Variants in IGSF21 observed in about 807,000 individuals in gnomAD.
IGSF21 encodes immunoglobin superfamily member 21.
Under a neutral mutation model 46.8 loss-of-function variants are expected in IGSF21, and 28 were observed. That is an observed-to-expected ratio of 0.60 (90% confidence interval 0.44 to 0.82). The LOEUF is 0.82. IGSF21 is among the 40% of genes least tolerant of loss of function. The probability of loss-of-function intolerance (pLI) is 0.00; values close to 1 mark genes in which losing one functional copy is unlikely to be tolerated. For missense variants in IGSF21, 624 were observed against 665.5 expected, an observed-to-expected ratio of 0.94 and a Z score of 0.69; for synonymous variants, 284 against 273.6, an observed-to-expected ratio of 1.04 and a Z score of -0.38.
intron 5 of IGSF21, among the ~76,000 whole-genome samples, chr1:18,364,146 T>C (rs1411136318): frequency 2.6e-5 from 4 of 152,044 alleles, no homozygotes; most frequent in East Asian, 1.9e-4. Context: ...TATTCAGATA[T>C]AGACATGCAA....
At chr1:18,216,154 T>A (rs775093162) in intron 1 of IGSF21, among the ~76,000 whole-genome samples, 1 of 152,064 alleles carries the variant, frequency 6.6e-6, no homozygotes, top group Non-Finnish European at 1.5e-5. Context: ...GGGGTGACCA[T>A]CACATTGAAC....
At chr1:18,188,135 G>A (rs548145481) in intron 1 of IGSF21, among the ~76,000 whole-genome samples, 17 of 152,166 alleles carry the variant, frequency 1.1e-4, no homozygotes, top group Non-Finnish European at 2.4e-4. Context: ...TGGTAGCAAA[G>A]TTGTGGCTTG....
At chr1:18,344,869 G>T (rs1233606018) in intron 4 of IGSF21, among the ~76,000 whole-genome samples, 1 of 152,148 alleles carries the variant, frequency 6.6e-6, no homozygotes, top group Non-Finnish European at 1.5e-5. Context: ...ACATTAACTG[G>T]CTCCAGGCGA....
chr1:18,118,023 C>G (rs2124404529), intron 1 of IGSF21, among the ~76,000 whole-genome samples: 1 of 152,326 alleles, frequency 6.6e-6, no homozygotes, highest in East Asian at 1.9e-4. Flanking sequence ...TCTGGGTCCC[C>G]TGAAATTGGG....
intron 3 of IGSF21, among the ~76,000 whole-genome samples, chr1:18,317,286 C>T (rs1022297783): frequency 6.6e-6 from 1 of 152,212 alleles, no homozygotes; most frequent in African/African-American, 2.4e-5. Context: ...ACTACCACCT[C>T]ACTCCTCACC....
chr1:18,131,852 A>C (rs2124417089), intron 1 of IGSF21, among the ~76,000 whole-genome samples: 1 of 152,310 alleles, frequency 6.6e-6, no homozygotes, highest in South Asian at 2.1e-4. Context: ...TGGTTCATAT[A>C]CAAAGGTCAC....
chr1:18,185,788 A>G (rs371363907), intron 1 of IGSF21, among the ~76,000 whole-genome samples: 1 of 152,188 alleles, frequency 6.6e-6, no homozygotes, highest in Admixed American at 6.5e-5. Context: ...ATAAATCAAA[A>G]TGTTGAAAGT....
chr1:18,362,768 G>T (rs1361002473), intron 5 of IGSF21, among the ~76,000 whole-genome samples: 1 of 152,132 alleles, frequency 6.6e-6, no homozygotes, highest in Admixed American at 6.5e-5. Flanking sequence ...ATTCCTTTTT[G>T]ACCAACTTAT....
intron 3 of IGSF21, among the ~76,000 whole-genome samples, chr1:18,300,045 T>G (rs1432514792): frequency 1.3e-5 from 2 of 152,132 alleles, no homozygotes; most frequent in Non-Finnish European, 2.9e-5. Flanking sequence ...GGCAAAATAG[T>G]GAGACTTCTT....
At chr1:18,262,096 G>T (rs1260872300) in intron 2 of IGSF21, among the ~76,000 whole-genome samples, 2 of 152,184 alleles carry the variant, frequency 1.3e-5, no homozygotes, top group Non-Finnish European at 2.9e-5. Flanking sequence ...CGGGACTCAA[G>T]AATTTGCATA....
intron 1 of IGSF21, among the ~76,000 whole-genome samples, chr1:18,207,308 C>T (rs1158106858): frequency 1.3e-5 from 2 of 152,112 alleles, no homozygotes; most frequent in Admixed American, 6.5e-5. Context: ...GGATAATCTC[C>T]CTATCTTAAG....
intron 3 of IGSF21, among the ~76,000 whole-genome samples, chr1:18,294,327 T>C (rs906870065): frequency 2.6e-5 from 4 of 152,192 alleles, no homozygotes; most frequent in Admixed American, 2.6e-4. Context: ...GAACAACCTC[T>C]CCTTCTCCCA....
chr1:18,171,917 C>A (rs1356141230), intron 1 of IGSF21, among the ~76,000 whole-genome samples: 1 of 152,226 alleles, frequency 6.6e-6, no homozygotes, highest in Non-Finnish European at 1.5e-5. Flanking sequence ...GCAGCTGATA[C>A]AGTTCTGTTC....
At chr1:18,288,401 C>T (rs1054527082) in intron 2 of IGSF21, among the ~76,000 whole-genome samples, 1 of 152,208 alleles carries the variant, frequency 6.6e-6, no homozygotes, top group African/African-American at 2.4e-5. Context: ...ATCTTACTGA[C>T]TCTGGAACCT....
intron 2 of IGSF21, among the ~76,000 whole-genome samples, chr1:18,237,667 T>C (rs2084685962): frequency 6.6e-6 from 1 of 152,228 alleles, no homozygotes; most frequent in South Asian, 2.1e-4. Context: ...CAGCGTTTTG[T>C]ACATTCTTCA....
rs144120020 is a variant in IGSF21 at position 18,125,795 on chromosome 1, C to T, written c.70+17597C>T. 3.0e-3 allele frequency among the ~76,000 whole-genome samples: 458 copies of T among 152,304 alleles called. 5 individuals are homozygous for T. The highest frequency in any genetic ancestry group is 0.011 in the African/African-American group (437 of 41,548). ...GAAGTAGTAACTGCTATGAAGAAGA[C>T]TAAGACCCAGAAGAGTAATGGTGAA... On this transcript the variant is annotated intron_variant, in intron 1 of 9. Transcript: ENST00000251296.
chr1:18,309,842 C>G (rs937741140), intron 3 of IGSF21, among the ~76,000 whole-genome samples: 2 of 152,126 alleles, frequency 1.3e-5, no homozygotes, highest in Middle Eastern at 3.2e-3. Flanking sequence ...TTAGGAGAGG[C>G]TAGCAGGGGA....
At chr1:18,213,062 G>T (rs969977794) in intron 1 of IGSF21, among the ~76,000 whole-genome samples, 1 of 152,188 alleles carries the variant, frequency 6.6e-6, no homozygotes. Flanking sequence ...CCTGGGCCTT[G>T]ATTTATCCAT....
chr1:18,337,903 T>G lies in IGSF21; in HGVS notation c.424+2893T>G, dbSNP rs1230919023. 6.6e-6 allele frequency among the ~76,000 whole-genome samples: 1 copy of G among 152,112 alleles called. No individual in the cohort carries two copies. Among genetic ancestry groups the G allele is most frequent in the Non-Finnish European group, 1.5e-5 (1 of 68,012 alleles). On this transcript the variant is annotated intron_variant, in intron 4 of 9. Coordinates refer to ENST00000251296, the MANE Select transcript of IGSF21 (RefSeq NM_032880.5). The surrounding 1 kb of genome is among the most constrained non-coding windows in gnomAD (Gnocchi z 5.7). Reference sequence around the variant, plus strand: ...GAAGGGAATGAATTTGCTCCAGGCCTTATAGGGTGGGGGTTATCTCTGTGC... The same window carrying G: ...GAAGGGAATGAATTTGCTCCAGGCCGTATAGGGTGGGGGTTATCTCTGTGC...
Sources: allele counts gnomAD v4.1 joint callset (sites outside exome capture counted in the v4.1 genomes callset), GRCh38; gene constraint gnomAD v4.1.1; non-coding constraint Gnocchi (gnomAD v3.1); transcripts MANE v1.5; gene names NCBI Gene and HGNC (gene_info 2026-07-23, HGNC 2026-07-21).